The following CD1A variants were observed in gnomAD, a reference collection of about 807,000 sequenced individuals.
CD1A encodes CD1a molecule.
Under a neutral mutation model 38.3 loss-of-function variants are expected in CD1A, and 50 were observed. The ratio of observed to expected loss-of-function variants is 1.30; its 90% CI spans 1.04 to 1.65. The LOEUF (loss-of-function observed/expected upper bound fraction) is 1.65. Among genes scored for constraint, CD1A ranks in the 40% most tolerant of loss-of-function variants. The probability of loss-of-function intolerance (pLI) is 0.00; values close to 1 mark genes in which losing one functional copy is unlikely to be tolerated. For synonymous variants in CD1A, 160 were observed against 150.8 expected, an observed-to-expected ratio of 1.06 and a Z score of -0.45; for missense variants, 459 against 406.1, an observed-to-expected ratio of 1.13 and a Z score of -1.12.
rs1204017587 is a variant in CD1A, at chr1:158,257,987, G to A, written c.*297G>A. Reference sequence around the variant, plus strand: ...ATGTTCAACTATTAATGGATCATCAGGCCTGTTTTAGATATCCCTTACTCC... The same window carrying A: ...ATGTTCAACTATTAATGGATCATCAAGCCTGTTTTAGATATCCCTTACTCC... On this transcript the variant is annotated 3_prime_UTR_variant, in exon 6 of 6. Transcript: ENST00000289429. The A allele has an allele frequency of 5.4e-6, 2 of 369,828 alleles. No individual in the cohort carries two copies. Among genetic ancestry groups the A allele is most frequent in the East Asian group, 9.7e-5 (2 of 20,618 alleles). 22.9% of individuals were successfully genotyped at this position (369,828 alleles called of 1,614,324 possible). A position where few individuals can be genotyped will look rare whatever the true frequency, so the allele number is the denominator to read the frequency against.
At chr1:158,253,111 T>G (rs562272595), upstream of CD1A, among the ~76,000 whole-genome samples, 7 of 152,186 alleles carry the variant, frequency 4.6e-5, no homozygotes, top group East Asian at 1.3e-3. Context: ...AAAAAAATTT[T>G]TTCCCCCTAA....
At chr1:158,251,658 A>G (rs1341870650), upstream of CD1A, among the ~76,000 whole-genome samples, 1 of 152,108 alleles carries the variant, frequency 6.6e-6, no homozygotes, top group Non-Finnish European at 1.5e-5. Flanking sequence ...ATTCTTAGGC[A>G]GGTCAGTTGT....
chr1:158,256,383 G>T (rs1650258458), intron 3 of CD1A, 101 bp downstream of exon 3: 1 of 1,182,142 alleles, frequency 8.5e-7, no homozygotes, highest in Non-Finnish European at 1.2e-6. Context: ...CCAGAAGTGG[G>T]AAAGGCTGGG....
chr1:158,255,450 C>G, intron 2 of CD1A, 100 bp downstream of exon 2: 1 of 1,260,890 alleles, frequency 7.9e-7, no homozygotes, highest in Non-Finnish European at 1.1e-6. Context: ...TCTTCTGTAT[C>G]TTATTCTATT....
Position 158,256,957 on chromosome 1 carries a change from C to A in CD1A, c.776C>A (p.Thr259Lys). 1 of 1,614,156 alleles carries A rather than the reference C, an allele frequency of 6.2e-7. No homozygotes were observed. Among genetic ancestry groups the A allele is most frequent in the Non-Finnish European group, 8.5e-7 (1 of 1,180,022 alleles). ...RGDILPSADG[T>K]WYLRATLEVA... ...GACATCTTGCCCAGTGCTGATGGGA[C>A]ATGGTATCTCCGCGCAACCCTGGAG... is the stretch of plus-strand genomic sequence containing the variant. Residue 259 changes from threonine (T) to lysine (K), a missense_variant, in exon 4 of 6, where the codon ACA (threonine) becomes AAA (lysine). Coordinates refer to ENST00000289429, the MANE Select transcript of CD1A (RefSeq NM_001763.3).
chr1:158,256,254 T>A lies in CD1A; in HGVS notation c.576T>A (p.Asp192Glu), dbSNP rs189306088. 1 of 1,614,120 alleles carries A rather than the reference T, an allele frequency of 6.2e-7. No homozygotes were observed. The highest frequency in any genetic ancestry group is 2.2e-5 in the East Asian group (1 of 44,886). The part of the protein sequence containing the change: ...TCPRFILGLL[D>E]AGKAHLQRQV... ...CACGTTTCATCTTGGGTCTTCTTGA[T>A]GCAGGAAAGGCACATCTCCAGCGGC... is the stretch of plus-strand genomic sequence containing the variant. The change falls in exon 3 of 6, where the codon GAT (aspartate) becomes GAA (glutamate). Residue 192 changes from aspartate (D) to glutamate (E), a missense_variant. By Grantham distance (45) the Asp-to-Glu change is conservative (BLOSUM62 2). Transcript: ENST00000289429.
At position 158,257,900 on chromosome 1, in the gene CD1A, G is replaced by C. The variant is rs1053960678; in HGVS notation, c.*210G>C. ...TGCAGGATTTGTTGTTCTGACCTGG[G>C]TTCTGGGACTTTTAAATTCAAATTT... is the stretch of plus-strand genomic sequence containing the variant. On this transcript the variant is annotated 3_prime_UTR_variant, in exon 6 of 6. Transcript: ENST00000289429. 43 of 557,522 alleles carry C rather than the reference G, an allele frequency of 7.7e-5. No homozygotes were observed. The highest frequency in any genetic ancestry group is 1.3e-4 in the Non-Finnish European group (41 of 314,192). The allele number at this position is 557,522 out of a possible 1,614,324, so 34.5% of individuals were successfully genotyped here.
chr1:158,256,688 AAG>A, intron 3 of CD1A, 96 bp from the exon 4 acceptor site: 4 of 1,414,634 alleles, frequency 2.8e-6, no homozygotes, highest in African/African-American at 1.4e-5. Flanking sequence ...AAAAAAAAAA[AAG>A]AGAAATGGGA....
chr1:158,257,741 A>T lies in CD1A; in HGVS notation c.*51A>T. The T allele has an allele frequency of 6.4e-7, 1 of 1,553,238 alleles. No individual in the cohort carries two copies. ...CCTTCTCCTTTTGGGGTGAGAGACC[A>T]GCAGCCCAAGGGCTCCAGACACACC... On this transcript the variant is annotated 3_prime_UTR_variant, in exon 6 of 6. Transcript: ENST00000289429.
At position 158,255,192 on chromosome 1, in the gene CD1A, C is replaced by T. The variant is rs1650209087; in HGVS notation, c.167C>T (p.Thr56Ile). 1.2e-6 allele frequency: 2 copies of T among 1,614,140 alleles called. No individual in the cohort carries two copies. Among genetic ancestry groups the T allele is most frequent in the Non-Finnish European group, 1.7e-6 (2 of 1,180,032 alleles). ...TGGCTGAGTGATTTGCAGACTCATA[C>T]CTGGGACAGCAATTCCAGCACCATC... ...SGWLSDLQTHTWDSNSSTIVF... is the reference protein window; with the variant it reads ...SGWLSDLQTHIWDSNSSTIVF... Residue 56 changes from threonine to isoleucine, a missense_variant, in exon 2 of 6, where the codon ACC becomes ATC. Physicochemically the swap from Thr to Ile is moderately conservative, Grantham distance 89. Transcript: ENST00000289429.
Position 158,256,065 on chromosome 1 carries a change from C to A in CD1A, c.387C>A (p.Ser129Arg). Residue 129 changes from serine (S) to arginine (R), a missense_variant, in exon 3 of 6, where the codon AGC becomes AGA. Coordinates refer to ENST00000289429, the MANE Select transcript of CD1A (RefSeq NM_001763.3). ...TGCACTCTGGAAAGGTCTCAGGAAGCTTCTTGCAGTTAGCTTATCAAGGAT... is the reference window on the plus strand; with the variant it reads ...TGCACTCTGGAAAGGTCTCAGGAAGATTCTTGCAGTTAGCTTATCAAGGAT... ...CELHSGKVSGSFLQLAYQGSD... is the reference protein window; with the variant it reads ...CELHSGKVSGRFLQLAYQGSD... 6.2e-7 allele frequency: 1 copy of A among 1,614,174 alleles called. No individual in the cohort carries two copies. Among genetic ancestry groups the A allele is most frequent in the South Asian group, 1.1e-5 (1 of 91,076 alleles).
At chr1:158,251,747 C>T (rs1294507987), upstream of CD1A, among the ~76,000 whole-genome samples, 1 of 152,146 alleles carries the variant, frequency 6.6e-6, no homozygotes, top group Admixed American at 6.5e-5. Flanking sequence ...TAGTCTGGAA[C>T]CAGGATGTTT....
At position 158,256,259 on chromosome 1, in the gene CD1A, GA is replaced by G. The variant is rs1366002712; in HGVS notation, c.584del (p.Lys195ArgfsTer8). ...TTCATCTTGGGTCTTCTTGATGCAGGAAAGGCACATCTCCAGCGGCAAGGTC... is the reference window on the plus strand; with the variant it reads ...TTCATCTTGGGTCTTCTTGATGCAGGAAGGCACATCTCCAGCGGCAAGGTC... Reference protein sequence around the residue: ...PRFILGLLDAGKAHLQRQVKP... With the variant: ...PRFILGLLDAXKAHLQRQVKP... On this transcript the variant is annotated frameshift_variant, in exon 3 of 6. Transcript: ENST00000289429. LOFTEE classifies it high-confidence loss of function. 1.9e-6 allele frequency: 3 copies of G among 1,613,860 alleles called. No individual in the cohort carries two copies. Among genetic ancestry groups the G allele is most frequent in the Admixed American group, 1.7e-5 (1 of 60,002 alleles).
intron 2 of CD1A, 137 bp downstream of exon 2, chr1:158,255,487 T>A: frequency 1.1e-6 from 1 of 936,184 alleles, no homozygotes. Context: ...TGCAATTGCA[T>A]ACTTTTGGGC....
chr1:158,254,049 T>TTTTTTTG (rs1650157896), upstream of CD1A: 25 of 99,520 alleles, frequency 2.5e-4, no homozygotes, highest in South Asian at 6.6e-4. Context: ...TTTTTTTTTT[T>TTTTTTTG]TTTTTTTTTT....
At chr1:158,251,074 T>G (rs1650074030), upstream of CD1A, among the ~76,000 whole-genome samples, 2 of 152,238 alleles carry the variant, frequency 1.3e-5, no homozygotes, top group Non-Finnish European at 2.9e-5. Context: ...AAACAGTTGA[T>G]GAACATATAT....
rs577906311 is a variant in CD1A at position 158,254,864 on chromosome 1, G to A, written c.58+137G>A. On this transcript the variant is annotated intron_variant, in intron 1 of 5. Coordinates refer to ENST00000289429, the MANE Select transcript of CD1A (RefSeq NM_001763.3). ...CCTAGCATATACCTGGAAAGTGAGA[G>A]TGCCAGGCTGGTTCCATTCTGACTA... The A allele has an allele frequency of 4.2e-5, 38 of 906,876 alleles. No individual in the cohort carries two copies. In the East Asian group the frequency reaches 9.2e-4, roughly 22 times the overall value. 56.2% of individuals were successfully genotyped at this position (906,876 alleles called of 1,614,324 possible). A position where few individuals can be genotyped will look rare whatever the true frequency, so the allele number is the denominator to read the frequency against.
intron 2 of CD1A, 86 bp downstream of exon 2, chr1:158,255,436 ACT>A: frequency 7.3e-7 from 1 of 1,362,182 alleles, no homozygotes; most frequent in Admixed American, 2.0e-5. Context: ...AAACAGCCTG[ACT>A]CTCTTCTGTA....
chr1:158,253,136 CT>C (rs917121016), upstream of CD1A, among the ~76,000 whole-genome samples: 2 of 151,342 alleles, frequency 1.3e-5, no homozygotes, highest in African/African-American at 2.4e-5. Context: ...GCTTCAGATA[CT>C]TTTTTTTTGA....
Sources: allele counts gnomAD v4.1 joint callset (sites outside exome capture counted in the v4.1 genomes callset), GRCh38; gene constraint gnomAD v4.1.1; transcripts MANE v1.5; gene names NCBI Gene and HGNC (gene_info 2026-07-23, HGNC 2026-07-21).